STEAP1B: variants seen among roughly 807,000 people sequenced by gnomAD.
STEAP1B encodes the protein STEAP family protein MGC87042.
STEAP1B carries 13 observed loss-of-function variants against 27.9 expected under a neutral mutation model. That is an observed-to-expected ratio of 0.47 (90% CI 0.30 to 0.74). STEAP1B has a LOEUF of 0.74. STEAP1B is among the 30% of genes least tolerant of loss of function. STEAP1B has a pLI of 0.06. For synonymous variants in STEAP1B, 86 were observed against 107.1 expected (o/e 0.80, Z 1.22); for missense variants, 250 against 298.7 (o/e 0.84, Z 1.20).
intron 4 of STEAP1B, among the ~76,000 whole-genome samples, chr7:22,481,358 C>G (rs1178688283): frequency 2.4e-4 from 37 of 152,216 alleles, no homozygotes; most frequent in Admixed American, 2.4e-3. Flanking sequence ...TAGCTAACCC[C>G]TGGGTGCCTG....
intron 4 of STEAP1B, among the ~76,000 whole-genome samples, chr7:22,435,845 T>G (rs1261767895): frequency 6.6e-6 from 1 of 152,222 alleles, no homozygotes; most frequent in African/African-American, 2.4e-5. Context: ...CTGGCCTCCA[T>G]CTGCCTGCAG....
chr7:22,425,531 T>C (rs929355539), intron 4 of STEAP1B, among the ~76,000 whole-genome samples: 1 of 152,218 alleles, frequency 6.6e-6, no homozygotes, highest in Non-Finnish European at 1.5e-5. Context: ...CAAAACTGAT[T>C]GACTGAACTT....
intron 4 of STEAP1B, among the ~76,000 whole-genome samples, chr7:22,484,559 G>A (rs1481228442): frequency 6.6e-6 from 1 of 152,164 alleles, no homozygotes; most frequent in Non-Finnish European, 1.5e-5. Context: ...GCAAGGAGAC[G>A]AATGTTTTGT....
At chr7:22,498,189 A>C (rs1786474762) in intron 1 of STEAP1B, among the ~76,000 whole-genome samples, 1 of 152,236 alleles carries the variant, frequency 6.6e-6, no homozygotes, top group African/African-American at 2.4e-5. Context: ...GACTGATACC[A>C]GTCTGCGGCC....
intron 1 of STEAP1B, among the ~76,000 whole-genome samples, chr7:22,497,885 C>G (rs549358402): frequency 6.6e-6 from 1 of 152,098 alleles, no homozygotes; most frequent in African/African-American, 2.4e-5. Context: ...TTGCAGTGGT[C>G]CCCAACCTTT....
At chr7:22,426,100 C>T (rs1366650740) in intron 4 of STEAP1B, among the ~76,000 whole-genome samples, 1 of 152,162 alleles carries the variant, frequency 6.6e-6, no homozygotes, top group Non-Finnish European at 1.5e-5. Flanking sequence ...AAATACTGCC[C>T]TGGAGGTCAG....
At chr7:22,425,711 C>T (rs1785096899) in intron 4 of STEAP1B, among the ~76,000 whole-genome samples, 1 of 152,206 alleles carries the variant, frequency 6.6e-6, no homozygotes, top group Non-Finnish European at 1.5e-5. Context: ...CTGACAACCA[C>T]CCAAGGTGCA....
intron 4 of STEAP1B, among the ~76,000 whole-genome samples, chr7:22,420,889 T>G (rs1239106138): frequency 1.3e-5 from 2 of 152,196 alleles, no homozygotes; most frequent in Non-Finnish European, 2.9e-5. Context: ...ACAGAGAGAA[T>G]AGGGAAATTA....
At chr7:22,460,187 G>A (rs909365014) in intron 4 of STEAP1B, among the ~76,000 whole-genome samples, 2 of 151,828 alleles carry the variant, frequency 1.3e-5, no homozygotes, top group Admixed American at 6.6e-5. Context: ...ATGGTGGCGC[G>A]TGCCCATAGT....
chr7:22,490,098 G>T (rs1185912451), intron 4 of STEAP1B, among the ~76,000 whole-genome samples: 5 of 151,962 alleles, frequency 3.3e-5, no homozygotes, highest in African/African-American at 1.2e-4. Flanking sequence ...CTATCTTTTT[G>T]AAAACAATCC....
intron 1 of STEAP1B, among the ~76,000 whole-genome samples, chr7:22,495,917 C>T (rs1276685870): frequency 5.9e-5 from 9 of 152,192 alleles, no homozygotes; most frequent in Admixed American, 5.9e-4. Flanking sequence ...CAATACTATA[C>T]TTTTTATTAT....
chr7:22,495,668 A>C (rs1255937225), intron 1 of STEAP1B, among the ~76,000 whole-genome samples: 1 of 152,172 alleles, frequency 6.6e-6, no homozygotes, highest in African/African-American at 2.4e-5. Context: ...TTTACACTTT[A>C]TGAAATTCAA....
At chr7:22,433,735 C>G (rs899718552) in intron 4 of STEAP1B, among the ~76,000 whole-genome samples, 17 of 152,212 alleles carry the variant, frequency 1.1e-4, no homozygotes, top group African/African-American at 4.1e-4. Context: ...TTCCAAAAAG[C>G]TACCCACCAC....
At chr7:22,492,766 C>A in intron 3 of STEAP1B, 37 bp from the exon 4 acceptor site, 1 of 1,564,196 alleles carries the variant, frequency 6.4e-7, no homozygotes, top group Non-Finnish European at 8.6e-7. Context: ...GAAATGCAAA[C>A]AACAGTTATT....
intron 4 of STEAP1B, among the ~76,000 whole-genome samples, chr7:22,452,658 T>C (rs752704814): frequency 1.2e-4 from 18 of 152,160 alleles, no homozygotes; most frequent in South Asian, 4.2e-4. Flanking sequence ...AATAGATTGA[T>C]AGGCTGGGTC....
At chr7:22,439,259 T>C (rs1785296487) in intron 4 of STEAP1B, among the ~76,000 whole-genome samples, 1 of 152,206 alleles carries the variant, frequency 6.6e-6, no homozygotes, top group Admixed American at 6.5e-5. Context: ...GATCAAACAA[T>C]AATTCTTTAA....
intron 4 of STEAP1B, among the ~76,000 whole-genome samples, chr7:22,453,127 A>G (rs1785517389): frequency 6.6e-6 from 1 of 152,220 alleles, no homozygotes; most frequent in African/African-American, 2.4e-5. Flanking sequence ...AATTCGTGTC[A>G]GTGCCAACCA....
chr7:22,456,972 A>ATATATTTT lies in STEAP1B; in HGVS notation c.762+35592_762+35593insAAAATATA. On this transcript the variant is annotated intron_variant, in intron 4 of 4. Coordinates refer to ENST00000678116, the MANE Select transcript of STEAP1B (RefSeq NM_001382447.1). ...GGCAGCTATATATATATATATATAT[A>ATATATTTT]TTTTTTTTTTTTTTAAGTATCCTGG... Among the ~76,000 whole-genome samples the ATATATTTT allele has an allele frequency of 3.5e-5, 2 of 57,046 alleles. 1 individual carries two copies. The highest frequency in any genetic ancestry group is 1.4e-4 in the African/African-American group (2 of 14,252). 37.4% of individuals were successfully genotyped at this position (57,046 alleles called of 152,430 possible).
intron 4 of STEAP1B, among the ~76,000 whole-genome samples, chr7:22,429,563 A>C (rs1785152306): frequency 1.3e-5 from 2 of 152,226 alleles, no homozygotes; most frequent in South Asian, 4.1e-4. Flanking sequence ...CAAGTGACTC[A>C]TGGCCAGGTG....
Sources: allele counts gnomAD v4.1 joint callset (sites outside exome capture counted in the v4.1 genomes callset), GRCh38; gene constraint gnomAD v4.1.1; transcripts MANE v1.5; gene names NCBI Gene and HGNC (gene_info 2026-07-23, HGNC 2026-07-21).